Variants in RPS6KL1 observed in about 807,000 individuals in gnomAD.
RPS6KL1 encodes the protein ribosomal protein S6 kinase like 1.
In RPS6KL1, 41 loss-of-function variants were observed where a neutral mutation model predicts 57.0. The observed-to-expected ratio is 0.72, with a 90% CI of 0.56 to 0.93. The LOEUF (loss-of-function observed/expected upper bound fraction) is 0.93, where lower values mean the gene tolerates loss of function less well. RPS6KL1 is among the 40% of genes least tolerant of loss of function. The pLI, the probability that RPS6KL1 is intolerant of heterozygous loss-of-function variation, is 0.00. For missense variants in RPS6KL1, 697 were observed against 727.7 expected (o/e 0.96, Z 0.49); for synonymous variants, 287 against 309.7 (o/e 0.93, Z 0.77).
rs973717253 is a variant in RPS6KL1 at position 74,911,932 on chromosome 14, G to A, written c.484-91C>T. 1.2e-5 allele frequency: 13 copies of A among 1,102,038 alleles called. No homozygotes were observed. The African/African-American group carries it at 1.9e-4, about 16-fold the overall frequency. The allele number at this position is 1,102,038 out of a possible 1,614,324, so 68.3% of individuals were successfully genotyped here. On this transcript the variant is annotated intron_variant, in intron 5 of 11. Coordinates refer to ENST00000557413, the MANE Select transcript of RPS6KL1 (RefSeq NM_031464.5). ...TGACCCCCTCCCAGGTTCCTCCACTGAGGCTGACTCACTCCAGTGGCAGGG... is the reference window on the plus strand; with the variant it reads ...TGACCCCCTCCCAGGTTCCTCCACTAAGGCTGACTCACTCCAGTGGCAGGG...
Position 74,908,083 on chromosome 14 carries a change from A to G in RPS6KL1, c.1444-553T>C, listed in dbSNP as rs908619167. On this transcript the variant is annotated intron_variant, in intron 10 of 11. Transcript: ENST00000557413. ...GGCTGGAGAGGTGGGAGGAGACAGG[A>G]AAAGAGAGAGCCACTCTGGGGGAAA... Among the ~76,000 whole-genome samples, 7 of 152,166 alleles carry G rather than the reference A, an allele frequency of 4.6e-5. 1 individual carries two copies. The highest frequency in any genetic ancestry group is 2.0e-4 in the Admixed American group (3 of 15,278).
At chr14:74,910,889 T>TTTTTGG in intron 7 of RPS6KL1, 1 of 168,316 alleles carries the variant, frequency 5.9e-6, no homozygotes, top group Admixed American at 5.8e-5. Context: ...TTTTTTTTTT[T>TTTTTGG]GAGGCGGAGT....
rs980119911 is a variant in RPS6KL1 at position 74,918,601 on chromosome 14, A to G, written c.395T>C (p.Phe132Ser). ...LSSGASPSAGFSSLRLRPIRT... is the reference protein window; with the variant it reads ...LSSGASPSAGSSSLRLRPIRT... ...AATGGGCCGGAGCCTCAGGCTGCTGAAACCCTGCAGAGGAGGGAGACAGGC... is the reference window on the plus strand; with the variant it reads ...AATGGGCCGGAGCCTCAGGCTGCTGGAACCCTGCAGAGGAGGGAGACAGGC... The change falls in exon 5 of 12, where the codon TTC (phenylalanine) becomes TCC (serine). Residue 132 changes from phenylalanine (F) to serine (S), a missense_variant. By Grantham distance (155) the Phe-to-Ser change is radical (BLOSUM62 -2). Transcript: ENST00000557413. The G allele has an allele frequency of 1.3e-6, 2 of 1,534,148 alleles. No homozygotes were observed. The highest frequency in any genetic ancestry group is 1.7e-6 in the Non-Finnish European group (2 of 1,145,940).
chr14:74,906,195 G>A lies in RPS6KL1; in HGVS notation c.*819C>T, dbSNP rs1884778858. ...TCTAAACTGCTTTGGCCTGGAAGCT[G>A]AATTGCTGTCCTCTTGCACCCCTGG... On this transcript the variant is annotated 3_prime_UTR_variant, in exon 12 of 12. Coordinates refer to ENST00000557413, the MANE Select transcript of RPS6KL1 (RefSeq NM_031464.5). 1.1e-5 allele frequency: 3 copies of A among 265,864 alleles called. No homozygotes were observed. In the South Asian group the frequency reaches 1.2e-4, roughly 11 times the overall value. The allele number at this position is 265,864 out of a possible 1,614,324, so 16.5% of individuals were successfully genotyped here.
intron 7 of RPS6KL1, 97 bp from the exon 8 acceptor site, chr14:74,910,245 G>T: frequency 7.1e-7 from 1 of 1,411,282 alleles, no homozygotes; most frequent in East Asian, 2.4e-5. Flanking sequence ...TCTGTCTTGG[G>T]CGCAGACTTT....
chr14:74,919,873 G>A lies in RPS6KL1; in HGVS notation c.362C>T (p.Pro121Leu), dbSNP rs2286913. 566,578 of 1,613,256 alleles carry A rather than the reference G, an allele frequency of 0.35. 105,058 individuals are homozygous for A. Among genetic ancestry groups the A allele is most frequent in the East Asian group, 0.52 (23,181 of 44,842 alleles). ...EEIFNCHLQR[P>L]LSSGASPSAG... The stretch of plus-strand genomic sequence containing the variant: ...GCTGGGGCTGGCTCCACTGCTCAGC[G>A]GCCGCTGCAGGTGGCAGTTGAAGAT... Residue 121 changes from proline (P) to leucine (L), a missense_variant, in exon 4 of 12, where the codon CCG becomes CTG. Physicochemically the swap from Pro to Leu is moderately conservative, Grantham distance 98. Transcript: ENST00000557413.
At chr14:74,908,825 C>A in intron 10 of RPS6KL1, 25 bp downstream of exon 10, 1 of 1,605,184 alleles carries the variant, frequency 6.2e-7, no homozygotes, top group East Asian at 2.2e-5. Context: ...CCCACCAGGG[C>A]ACTACACCCA....
At chr14:74,913,439 C>T (rs896142525) in intron 5 of RPS6KL1, among the ~76,000 whole-genome samples, 2 of 152,172 alleles carry the variant, frequency 1.3e-5, no homozygotes, top group Non-Finnish European at 2.9e-5. Context: ...CGCCTGTAAT[C>T]CCAGCTACCT....
intron 5 of RPS6KL1, among the ~76,000 whole-genome samples, chr14:74,916,307 A>G (rs1594939406): frequency 6.6e-6 from 1 of 152,198 alleles, no homozygotes. Flanking sequence ...ACACAGGGAA[A>G]GGAAGTAGGA....
chr14:74,919,246 C>G (rs1044928988), intron 4 of RPS6KL1, among the ~76,000 whole-genome samples: 4 of 152,226 alleles, frequency 2.6e-5, no homozygotes, highest in African/African-American at 9.6e-5. Context: ...GGGAACGTGC[C>G]TTGAAGACCA....
At chr14:74,911,739 G>C in intron 6 of RPS6KL1, 55 bp downstream of exon 6, 1 of 1,477,316 alleles carries the variant, frequency 6.8e-7, no homozygotes, top group Non-Finnish European at 9.3e-7. Context: ...GTTTCCAAGA[G>C]CCCTGAGAAA....
chr14:74,906,447 C>A lies in RPS6KL1; in HGVS notation c.*567G>T. On this transcript the variant is annotated 3_prime_UTR_variant, in exon 12 of 12. Coordinates refer to ENST00000557413, the MANE Select transcript of RPS6KL1 (RefSeq NM_031464.5). ...GTGGGGGTCATCCTGTCCCCTACCT[C>A]ATCCCTCCCTGCACAACAGATGGCA... is the stretch of plus-strand genomic sequence containing the variant. The A allele has an allele frequency of 2.4e-6, 1 of 410,456 alleles. No individual in the cohort carries two copies. The allele number at this position is 410,456 out of a possible 1,614,324, so 25.4% of individuals were successfully genotyped here. A position where few individuals can be genotyped will look rare whatever the true frequency, so the allele number is the denominator to read the frequency against.
In RPS6KL1 at chr14:74,908,770, A is replaced by T. The variant is rs1164196119; in HGVS notation, c.1443+80T>A. On this transcript the variant is annotated intron_variant, in intron 10 of 11. Coordinates refer to ENST00000557413, the MANE Select transcript of RPS6KL1 (RefSeq NM_031464.5). ...GGACAGCCAGGCAGTCTCTGCCCAG[A>T]CTGGCTGGATGGACTAAGCCTGGCC... The T allele has an allele frequency of 4.7e-6, 6 of 1,283,634 alleles. No homozygotes were observed. The Admixed American group carries it at 8.5e-5, about 18-fold the overall frequency. The allele number at this position is 1,283,634 out of a possible 1,614,324, so 79.5% of individuals were successfully genotyped here.
Position 74,909,816 on chromosome 14 carries a change from CCCT to C in RPS6KL1, c.994_996del (p.Arg332del). ...GGCCCAGCGTCTGAGTTCTGGCCAG[CCCT>C]CCTAGCTTGAAGGTGCAGGTGGCCA... is the stretch of plus-strand genomic sequence containing the variant. On this transcript the variant is annotated inframe_deletion, in exon 8 of 12. Coordinates refer to ENST00000557413, the MANE Select transcript of RPS6KL1 (RefSeq NM_031464.5). 2 of 1,607,980 alleles carry C rather than the reference CCCT, an allele frequency of 1.2e-6. No individual in the cohort carries two copies.
rs1312862597 is a variant in RPS6KL1, at chr14:74,907,456, T to C, written c.1518A>G (p.Pro506=). 6.3e-6 allele frequency: 10 copies of C among 1,584,918 alleles called. No homozygotes were observed. Among genetic ancestry groups the C allele is most frequent in the Non-Finnish European group, 8.6e-6 (10 of 1,165,822 alleles). Residue 506 remains proline (P), a synonymous_variant, in exon 11 of 12, where the codon CCA becomes CCG. Transcript: ENST00000557413. ...TCACCTCAGTCAGCAGAGAGGCCGC[T>C]GGGCGACTGAGCCACTCGGGCAGCT... is the stretch of plus-strand genomic sequence containing the variant. ...QLQLPEWLSR[P]AASLLTELLQ... is the part of the protein sequence containing the mutation.
chr14:74,909,958 C>T lies in RPS6KL1; in HGVS notation c.855G>A (p.Pro285=), dbSNP rs377686038. The change falls in exon 8 of 12, where the codon CCG becomes CCA. Residue 285 remains proline, a synonymous_variant. Transcript: ENST00000557413. Reference sequence around the variant, plus strand: ...GGGCCTCCCCAGCTAGGAGAAGGTTCGGAGAAGTCCTAGGAGGCTCCAGGG... The same window carrying T: ...GGGCCTCCCCAGCTAGGAGAAGGTTTGGAGAAGTCCTAGGAGGCTCCAGGG... ...RIALEPPRTS[P]NLLLAGEAPS... 25 of 1,613,972 alleles carry T rather than the reference C, an allele frequency of 1.5e-5. No homozygotes were observed. Among genetic ancestry groups the T allele is most frequent in the Admixed American group, 5.0e-5 (3 of 60,004 alleles).
At position 74,906,809 on chromosome 14, in the gene RPS6KL1, C is replaced by A. The variant is rs1293247524; in HGVS notation, c.*205G>T. ...CTTAGCAGGGCAAGCCTTGACTGCC[C>A]CCACCTCCAGCTTTTCCAGGAGCTG... On this transcript the variant is annotated 3_prime_UTR_variant, in exon 12 of 12. Coordinates refer to ENST00000557413, the MANE Select transcript of RPS6KL1 (RefSeq NM_031464.5). 1.4e-6 allele frequency: 1 copy of A among 711,740 alleles called. No individual in the cohort carries two copies. Among genetic ancestry groups the A allele is most frequent in the South Asian group, 1.4e-5 (1 of 69,346 alleles). 44.1% of individuals were successfully genotyped at this position (711,740 alleles called of 1,614,324 possible).
At position 74,919,778 on chromosome 14, in the gene RPS6KL1, G is replaced by A. The variant is rs536672013; in HGVS notation, c.390+67C>T. 30 of 1,564,290 alleles carry A rather than the reference G, an allele frequency of 1.9e-5. 1 individual carries two copies. The South Asian group carries it at 3.1e-4, about 16-fold the overall frequency. On this transcript the variant is annotated intron_variant, in intron 4 of 11. Transcript: ENST00000557413. ...CCCAGGGCGGGCCTGTGGGTGTCGG[G>A]GCCTCCGCAGTCTCCCCTCAGAGCC... is the stretch of plus-strand genomic sequence containing the variant.
intron 5 of RPS6KL1, among the ~76,000 whole-genome samples, chr14:74,916,351 A>G (rs932266325): frequency 1.3e-5 from 2 of 152,084 alleles, no homozygotes; most frequent in Non-Finnish European, 2.9e-5. Flanking sequence ...TAAGTTGAGT[A>G]CCCAAGACAG....
Sources: allele counts gnomAD v4.1 joint callset (sites outside exome capture counted in the v4.1 genomes callset), GRCh38; gene constraint gnomAD v4.1.1; transcripts MANE v1.5; gene names NCBI Gene and HGNC (gene_info 2026-07-23, HGNC 2026-07-21).